The following EEFSEC variants were observed in gnomAD, a reference collection of about 807,000 sequenced individuals.
EEFSEC encodes selenocysteine-specific elongation factor.
A neutral mutation model predicts 42.1 loss-of-function variants in EEFSEC; 43 were observed. The ratio of observed to expected loss-of-function variants is 1.02; its 90% CI spans 0.80 to 1.32. The LOEUF is 1.32. EEFSEC is among the 40% of genes most tolerant of loss of function. EEFSEC has a pLI of 0.00. For synonymous variants in EEFSEC, 354 were observed against 339.1 expected, an observed-to-expected ratio of 1.04 and a Z score of -0.48; for missense variants, 745 against 803.6, an observed-to-expected ratio of 0.93 and a Z score of 0.88.
At chr3:128,381,605 C>G (rs1181996446) in intron 6 of EEFSEC, among the ~76,000 whole-genome samples, 3 of 152,170 alleles carry the variant, frequency 2.0e-5, no homozygotes, top group Non-Finnish European at 4.4e-5. Context: ...CAGGCTAGGA[C>G]TCAGTGGCAA....
intron 4 of EEFSEC, among the ~76,000 whole-genome samples, chr3:128,340,983 C>G (rs1363895906): frequency 6.6e-6 from 1 of 152,188 alleles, no homozygotes; most frequent in Admixed American, 6.5e-5. Flanking sequence ...GCCTTTCCCC[C>G]AGAAGAACAG....
chr3:128,168,837 C>T (rs917734240), intron 1 of EEFSEC, among the ~76,000 whole-genome samples: 2 of 152,164 alleles, frequency 1.3e-5, no homozygotes, highest in Admixed American at 6.5e-5. Flanking sequence ...TGGCTTGTTC[C>T]GTGGCTTTCT....
At chr3:128,213,510 G>A (rs1283390462) in intron 1 of EEFSEC, among the ~76,000 whole-genome samples, 1 of 152,130 alleles carries the variant, frequency 6.6e-6, no homozygotes, top group Non-Finnish European at 1.5e-5. Flanking sequence ...TGTAGGTCCT[G>A]AACGATCCAG....
At chr3:128,400,142 AGCCAC>A (rs2068032188) in intron 6 of EEFSEC, among the ~76,000 whole-genome samples, 1 of 152,150 alleles carries the variant, frequency 6.6e-6, no homozygotes. Context: ...GCCTGCCTCC[AGCCAC>A]GCCCTGACTT....
Position 128,317,652 on chromosome 3 carries a change from A to C in EEFSEC, c.787-23581A>C, listed in dbSNP as rs2066961884. 6.6e-6 allele frequency among the ~76,000 whole-genome samples: 1 copy of C among 152,180 alleles called. No homozygotes were observed. Among genetic ancestry groups the C allele is most frequent in the Admixed American group, 6.5e-5 (1 of 15,276 alleles). On this transcript the variant is annotated intron_variant, in intron 4 of 6. Coordinates refer to ENST00000254730, the MANE Select transcript of EEFSEC (RefSeq NM_021937.5). This position sits in a 1 kb window ranked among gnomAD's most constrained non-coding sequence, Gnocchi z 4.1. ...CACGGTATTCATCTGCCGGCAGAGGAGAGTTCCAGCTCCTTGGCCTGACCC... is the reference window on the plus strand; with the variant it reads ...CACGGTATTCATCTGCCGGCAGAGGCGAGTTCCAGCTCCTTGGCCTGACCC...
intron 1 of EEFSEC, among the ~76,000 whole-genome samples, chr3:128,196,555 T>A (rs1172957349): frequency 6.6e-6 from 1 of 152,234 alleles, no homozygotes; most frequent in Non-Finnish European, 1.5e-5. Flanking sequence ...TCATGTAATT[T>A]TTTTTGGCTG....
At chr3:128,315,055 C>T (rs1207856473) in intron 4 of EEFSEC, among the ~76,000 whole-genome samples, 12 of 152,192 alleles carry the variant, frequency 7.9e-5, no homozygotes, top group Admixed American at 6.5e-4. Context: ...CCCACACTTA[C>T]ATCAAAGAGG....
chr3:128,296,096 C>T (rs2066703312), intron 4 of EEFSEC, among the ~76,000 whole-genome samples: 1 of 152,168 alleles, frequency 6.6e-6, no homozygotes, highest in South Asian at 2.1e-4. Flanking sequence ...GGCCCTGGTA[C>T]TGGGAGCTGA....
chr3:128,234,935 C>T (rs1439496773), intron 1 of EEFSEC, among the ~76,000 whole-genome samples: 1 of 152,184 alleles, frequency 6.6e-6, no homozygotes, highest in Non-Finnish European at 1.5e-5. Context: ...GTTACTGTAA[C>T]CATGTCTGGC....
intron 6 of EEFSEC, among the ~76,000 whole-genome samples, chr3:128,378,562 A>G (rs150922571): frequency 3.9e-5 from 6 of 152,290 alleles, no homozygotes; most frequent in African/African-American, 1.4e-4. Flanking sequence ...GGGCAGAGGA[A>G]CTAGGATGGA....
chr3:128,246,648 C>T (rs2066130674), intron 1 of EEFSEC, among the ~76,000 whole-genome samples, 188 bp from the exon 2 acceptor site: 2 of 152,238 alleles, frequency 1.3e-5, no homozygotes, highest in African/African-American at 4.8e-5. Flanking sequence ...GTTTCCTCAT[C>T]TGCCATGGCA....
At chr3:128,290,847 G>T (rs576481567) in intron 4 of EEFSEC, among the ~76,000 whole-genome samples, 1 of 152,118 alleles carries the variant, frequency 6.6e-6, no homozygotes, top group Non-Finnish European at 1.5e-5. Context: ...CCAGGTTTAA[G>T]CAATTCTCTT....
chr3:128,362,154 T>C (rs758987540), intron 6 of EEFSEC: 2 of 490,408 alleles, frequency 4.1e-6, no homozygotes, highest in East Asian at 1.2e-4. Flanking sequence ...AAAGCTCATC[T>C]TGGCAAGCCG....
intron 1 of EEFSEC, among the ~76,000 whole-genome samples, chr3:128,188,368 G>T (rs1262383081): frequency 6.6e-6 from 1 of 152,152 alleles, no homozygotes; most frequent in African/African-American, 2.4e-5. Flanking sequence ...AGGCTGAGGG[G>T]GTGGCAGGCA....
chr3:128,328,648 C>G (rs915747807), intron 4 of EEFSEC, among the ~76,000 whole-genome samples: 1 of 152,180 alleles, frequency 6.6e-6, no homozygotes, highest in African/African-American at 2.4e-5. Context: ...CTTTACATCC[C>G]TTGGATTACA....
chr3:128,403,962 C>G (rs2068079732), intron 6 of EEFSEC, among the ~76,000 whole-genome samples: 1 of 152,226 alleles, frequency 6.6e-6, no homozygotes, highest in African/African-American at 2.4e-5. Flanking sequence ...GGGCCCTGGT[C>G]TGTGCATTCA....
chr3:128,332,065 T>C lies in EEFSEC; in HGVS notation c.787-9168T>C, dbSNP rs140800568. Among the ~76,000 whole-genome samples, 8 of 152,162 alleles carry C rather than the reference T, an allele frequency of 5.3e-5. No homozygotes were observed. In the East Asian group the frequency reaches 1.4e-3, roughly 26 times the overall value. ...ATTAAGGGTATGGATAAATGACATATAAAGAAATACTATACAGCTGTCAAA... is the reference window on the plus strand; with the variant it reads ...ATTAAGGGTATGGATAAATGACATACAAAGAAATACTATACAGCTGTCAAA... On this transcript the variant is annotated intron_variant, in intron 4 of 6. Coordinates refer to ENST00000254730, the MANE Select transcript of EEFSEC (RefSeq NM_021937.5).
chr3:128,160,800 ACG>A (rs954282091), intron 1 of EEFSEC, among the ~76,000 whole-genome samples: 1 of 151,902 alleles, frequency 6.6e-6, no homozygotes, highest in African/African-American at 2.4e-5. Flanking sequence ...GCGCACACAC[ACG>A]CGCGCACACA....
At chr3:128,316,962 C>A (rs527683713) in intron 4 of EEFSEC, among the ~76,000 whole-genome samples, 1 of 152,360 alleles carries the variant, frequency 6.6e-6, no homozygotes, top group South Asian at 2.1e-4. Context: ...CATTAAACAA[C>A]ATACAGGAAT....
Sources: gnomAD v4.1 joint callset for allele counts (sites outside exome capture counted in the v4.1 genomes callset) on GRCh38, gnomAD v4.1.1 for gene constraint, Gnocchi (gnomAD v3.1) non-coding constraint, MANE v1.5 for transcripts, NCBI Gene and HGNC (gene_info 2026-07-23, HGNC 2026-07-21) for gene names.